Variants in ERBB4 observed in about 807,000 individuals in gnomAD.
The protein encoded by ERBB4 is receptor tyrosine-protein kinase erbB-4.
Under a neutral mutation model 158.0 loss-of-function variants are expected in ERBB4, and 42 were observed. The observed-to-expected ratio is 0.27, with a 90% CI of 0.21 to 0.34. The LOEUF (loss-of-function observed/expected upper bound fraction) is 0.34, where lower values mean the gene tolerates loss of function less well. Among genes scored for constraint, ERBB4 ranks in the 10% least tolerant of loss-of-function variants. The probability of loss-of-function intolerance (pLI) is 1.00; values close to 1 mark genes in which losing one functional copy is unlikely to be tolerated. For missense variants in ERBB4, 1,333 were observed against 1,624.1 expected (o/e 0.82, Z 3.08); for synonymous variants, 583 against 558.7 (o/e 1.04, Z -0.61).
At chr2:212,331,928 C>A (rs1236794285) in intron 1 of ERBB4, among the ~76,000 whole-genome samples, 1 of 152,062 alleles carries the variant, frequency 6.6e-6, no homozygotes, top group Non-Finnish European at 1.5e-5. Context: ...TGCTGGAGAA[C>A]TTTCCAGAAG....
At chr2:211,556,029 C>T (rs146552698) in intron 20 of ERBB4, among the ~76,000 whole-genome samples, 1 of 152,072 alleles carries the variant, frequency 6.6e-6, no homozygotes, top group Non-Finnish European at 1.5e-5. Flanking sequence ...GAGTGGCAAG[C>T]TGGATAACGA....
At chr2:212,154,531 T>C (rs1374557482) in intron 1 of ERBB4, among the ~76,000 whole-genome samples, 2 of 152,252 alleles carry the variant, frequency 1.3e-5, no homozygotes, top group African/African-American at 2.4e-5. Flanking sequence ...CATGTTAAAA[T>C]AGCACAAAGA....
intron 16 of ERBB4, among the ~76,000 whole-genome samples, chr2:211,642,615 A>G (rs538853524): frequency 6.6e-6 from 1 of 152,260 alleles, no homozygotes; most frequent in East Asian, 1.9e-4. Context: ...AAGCTCAAAC[A>G]TAAGTCCTTT....
At chr2:211,491,530 G>C (rs2065343173) in intron 20 of ERBB4, among the ~76,000 whole-genome samples, 1 of 151,926 alleles carries the variant, frequency 6.6e-6, no homozygotes, top group Admixed American at 6.6e-5. Flanking sequence ...TTATGTTTTA[G>C]AACTCCATTC....
chr2:212,385,474 C>A (rs557836983), intron 1 of ERBB4, among the ~76,000 whole-genome samples: 105 of 151,918 alleles, frequency 6.9e-4, no homozygotes, highest in African/African-American at 2.4e-3. Flanking sequence ...AAGATTAAAA[C>A]AAGCCCATAC....
At chr2:212,306,124 T>A (rs1311789319) in intron 1 of ERBB4, among the ~76,000 whole-genome samples, 1 of 151,464 alleles carries the variant, frequency 6.6e-6, no homozygotes, top group African/African-American at 2.4e-5. Context: ...ATAATAAGAT[T>A]CCTTTTTATG....
chr2:211,941,130 T>A (rs1204744337), intron 3 of ERBB4, among the ~76,000 whole-genome samples: 1 of 152,132 alleles, frequency 6.6e-6, no homozygotes, highest in African/African-American at 2.4e-5. Flanking sequence ...GATCTAAAAA[T>A]GGACTCTTCC....
chr2:211,769,965 T>A (rs942694220), intron 4 of ERBB4, among the ~76,000 whole-genome samples: 2 of 152,184 alleles, frequency 1.3e-5, no homozygotes, highest in African/African-American at 4.8e-5. Context: ...CCAGGAAAAA[T>A]ACTTCGTATC....
intron 1 of ERBB4, among the ~76,000 whole-genome samples, chr2:212,183,731 T>C (rs969264240): frequency 3.3e-5 from 5 of 151,996 alleles, no homozygotes; most frequent in African/African-American, 1.2e-4. Flanking sequence ...AGAACATTTT[T>C]CAGGACAAAG....
At chr2:211,709,169 A>G (rs113940391) in intron 9 of ERBB4, among the ~76,000 whole-genome samples, 223 of 149,514 alleles carry the variant, frequency 1.5e-3, no homozygotes, top group African/African-American at 5.2e-3. Flanking sequence ...TCCATTTTTT[A>G]TTGCATTTAT....
rs533774564 is a variant in ERBB4 at position 211,599,088 on chromosome 2, G to C, written c.2301+20089C>G. Reference sequence around the variant, plus strand: ...TCCTAATACACTGACTGTTAAAACTGAGCAGTGACTTAGAATAATCTCTTG... The same window carrying C: ...TCCTAATACACTGACTGTTAAAACTCAGCAGTGACTTAGAATAATCTCTTG... On this transcript the variant is annotated intron_variant, in intron 19 of 27. Transcript: ENST00000342788. Among the ~76,000 whole-genome samples, 8 of 152,298 alleles carry C rather than the reference G, an allele frequency of 5.3e-5. No individual in the cohort carries two copies. In the South Asian group the frequency reaches 1.7e-3, roughly 32 times the overall value.
chr2:211,653,255 T>C (rs1242470793), intron 16 of ERBB4, among the ~76,000 whole-genome samples: 2 of 152,152 alleles, frequency 1.3e-5, no homozygotes, highest in Non-Finnish European at 2.9e-5. Flanking sequence ...ATAAGCAGCA[T>C]ATTCTAGGAG....
intron 20 of ERBB4, among the ~76,000 whole-genome samples, chr2:211,466,349 TAAAA>T (rs58336651): frequency 7.8e-6 from 1 of 127,962 alleles, no homozygotes; most frequent in African/African-American, 3.2e-5. Context: ...TTTTTTTTTT[TAAAA>T]AAAAAAAAAG....
chr2:211,772,834 T>TATATATATATATATACAC (rs1219416032), intron 4 of ERBB4, among the ~76,000 whole-genome samples: 4 of 10,346 alleles, frequency 3.9e-4, no homozygotes, highest in African/African-American at 1.1e-3. Flanking sequence ...TATATATATA[T>TATATATATATATATACAC]ACACATATAT....
Position 211,550,913 on chromosome 2 carries a change from G to A in ERBB4, c.2487+10990C>T, listed in dbSNP as rs549682529. On this transcript the variant is annotated intron_variant, in intron 20 of 27. Transcript: ENST00000342788. ...GTCCTAAGAAATACACCGAGACACC[G>A]CAAGAATTCCATTATTAGGTTCCCC... Among the ~76,000 whole-genome samples, 29 of 150,776 alleles carry A rather than the reference G, an allele frequency of 1.9e-4. No homozygotes were observed. The East Asian group carries it at 3.3e-3, about 17-fold the overall frequency.
At chr2:211,387,210 A>C (rs1433298259) in intron 26 of ERBB4, 60 bp from the exon 27 acceptor site, 2 of 1,276,408 alleles carry the variant, frequency 1.6e-6, no homozygotes, top group Admixed American at 1.7e-5. Context: ...TTAAAAATGA[A>C]TGTTAATAGC....
intron 1 of ERBB4, among the ~76,000 whole-genome samples, chr2:212,350,477 T>C (rs2089205487): frequency 6.6e-6 from 1 of 152,144 alleles, no homozygotes; most frequent in South Asian, 2.1e-4. Context: ...GCAACTATTC[T>C]AGAAAGTTCT....
intron 19 of ERBB4, among the ~76,000 whole-genome samples, chr2:211,616,599 G>A (rs930740901): frequency 6.6e-6 from 1 of 152,090 alleles, no homozygotes; most frequent in African/African-American, 2.4e-5. Context: ...AAAAATGTAG[G>A]TATGAAATAT....
intron 1 of ERBB4, among the ~76,000 whole-genome samples, chr2:212,267,182 A>G (rs1008435797): frequency 6.6e-6 from 1 of 152,048 alleles, no homozygotes; most frequent in Non-Finnish European, 1.5e-5. Context: ...GAAAAGTTAA[A>G]TTGAAGAGCT....
Sources: allele counts gnomAD v4.1 joint callset (sites outside exome capture counted in the v4.1 genomes callset), GRCh38; gene constraint gnomAD v4.1.1; transcripts MANE v1.5; gene names NCBI Gene and HGNC (gene_info 2026-07-23, HGNC 2026-07-21).